The following GFRA2 variants were observed in gnomAD, a reference collection of about 807,000 sequenced individuals.
GFRA2 encodes GDNF family receptor alpha 2.
GFRA2 carries 17 observed loss-of-function variants against 48.3 expected under a neutral mutation model. The ratio of observed to expected loss-of-function variants is 0.35; its 90% CI spans 0.24 to 0.53. The LOEUF is 0.53. Ranked by LOEUF, GFRA2 falls within the 20% of genes least tolerant of loss-of-function variation. GFRA2 has a pLI of 0.93. For missense variants in GFRA2, 660 were observed against 637.3 expected, an observed-to-expected ratio of 1.04 and a Z score of -0.38; for synonymous variants, 305 against 257.2, an observed-to-expected ratio of 1.19 and a Z score of -1.78.
chr8:21,722,227 C>T (rs1357569023), intron 4 of GFRA2, among the ~76,000 whole-genome samples: 1 of 152,162 alleles, frequency 6.6e-6, no homozygotes, highest in African/African-American at 2.4e-5. Context: ...GGACTCCCTG[C>T]CCTGTCTGCC....
At chr8:21,748,357 A>C (rs1412830714) in intron 4 of GFRA2, among the ~76,000 whole-genome samples, 1 of 152,098 alleles carries the variant, frequency 6.6e-6, no homozygotes, top group Non-Finnish European at 1.5e-5. Flanking sequence ...TTATCCATTC[A>C]ACTAACCTTA....
chr8:21,712,680 A>G (rs1202969342), intron 4 of GFRA2, among the ~76,000 whole-genome samples: 1 of 152,146 alleles, frequency 6.6e-6, no homozygotes, highest in Admixed American at 6.5e-5. Flanking sequence ...GGTTGTAGTG[A>G]GCCGAGATCA....
intron 4 of GFRA2, among the ~76,000 whole-genome samples, chr8:21,741,410 C>A (rs1398971537): frequency 6.6e-6 from 1 of 152,180 alleles, no homozygotes; most frequent in East Asian, 1.9e-4. Context: ...CCTGGCCAAG[C>A]AGATTCCCCC....
In GFRA2 at chr8:21,808,522, A is replaced by G. The variant is rs111275770; in HGVS notation, c.-147-3394T>C. On this transcript the variant is annotated intron_variant, in intron 1 of 10. Coordinates refer to the GFRA2 transcript ENST00000517328. The stretch of plus-strand genomic sequence containing the variant: ...TAGTATGTGCCTTTCACTTCCGTTA[A>G]CCCTCCTTATGAACCCCTGTAGGAC... 9.7e-3 allele frequency among the ~76,000 whole-genome samples: 1,472 copies of G among 152,272 alleles called. 3 individuals are homozygous for G. Among genetic ancestry groups the G allele is most frequent in the Non-Finnish European group, 0.014 (967 of 68,012 alleles).
intron 2 of GFRA2, among the ~76,000 whole-genome samples, chr8:21,800,925 C>CA (rs34924711): frequency 0.082 from 9,190 of 112,446 alleles, 402 homozygotes; most frequent in Middle Eastern, 0.13. Context: ...GACCTGGTGT[C>CA]AAAAAAAAAA....
At chr8:21,708,034 AG>A (rs1392035234) in intron 4 of GFRA2, among the ~76,000 whole-genome samples, 1 of 152,248 alleles carries the variant, frequency 6.6e-6, no homozygotes, top group African/African-American at 2.4e-5. Context: ...AGAGTCACTG[AG>A]TAGCAGAGCC....
intron 3 of GFRA2, among the ~76,000 whole-genome samples, chr8:21,774,204 C>A (rs1280713307): frequency 6.6e-6 from 1 of 151,360 alleles, no homozygotes; most frequent in African/African-American, 2.4e-5. Flanking sequence ...AGTGCCCAGG[C>A]AGGGTGGGCT....
intron 7 of GFRA2, 110 bp downstream of exon 7, chr8:21,702,695 G>A (rs1802540226): frequency 3.6e-6 from 4 of 1,114,182 alleles, no homozygotes; most frequent in African/African-American, 1.6e-5. Context: ...CTGCCTCTTG[G>A]GTCCCTGATC....
At chr8:21,791,308 C>T (rs1807569847), upstream of GFRA2, among the ~76,000 whole-genome samples, 1 of 152,046 alleles carries the variant, frequency 6.6e-6, no homozygotes, top group African/African-American at 2.4e-5. Flanking sequence ...GGTAAGTGGC[C>T]CTTCTGCGAC....
chr8:21,698,272 GC>G (rs35807602), intron 7 of GFRA2, among the ~76,000 whole-genome samples: 4 of 152,334 alleles, frequency 2.6e-5, no homozygotes, highest in African/African-American at 9.6e-5. Context: ...TGCTGTGGGT[GC>G]CCCAGAAGCA....
intron 2 of GFRA2, among the ~76,000 whole-genome samples, chr8:21,800,375 G>A (rs1475763088): frequency 2.6e-5 from 4 of 152,212 alleles, no homozygotes; most frequent in Non-Finnish European, 5.9e-5. Context: ...ATCCGAGAAG[G>A]TGAATCTGCA....
chr8:21,694,410 C>T (rs1802052402), intron 8 of GFRA2, 54 bp downstream of exon 8: 9 of 1,524,638 alleles, frequency 5.9e-6, no homozygotes, highest in African/African-American at 1.4e-5. Context: ...GGGGAAATGC[C>T]GCCCCCCACC....
intron 8 of GFRA2, 85 bp from the exon 9 acceptor site, chr8:21,693,485 A>C (rs1357826179): frequency 7.5e-7 from 1 of 1,324,692 alleles, no homozygotes; most frequent in African/African-American, 1.5e-5. Context: ...CGGCAGAGAA[A>C]CGGACTCAGG....
chr8:21,751,997 T>C (rs1447170435), intron 3 of GFRA2, among the ~76,000 whole-genome samples: 4 of 152,176 alleles, frequency 2.6e-5, no homozygotes, highest in Non-Finnish European at 5.9e-5. Flanking sequence ...ACTTACTGGC[T>C]CTGTGACCTG....
chr8:21,725,376 G>A (rs1002955310), intron 4 of GFRA2, among the ~76,000 whole-genome samples: 12 of 152,220 alleles, frequency 7.9e-5, no homozygotes, highest in Admixed American at 6.5e-4. Flanking sequence ...CAGGGCAGAA[G>A]CCCTTTACAG....
chr8:21,799,556 C>A (rs1432965657), intron 2 of GFRA2, among the ~76,000 whole-genome samples: 1 of 152,160 alleles, frequency 6.6e-6, no homozygotes, highest in Non-Finnish European at 1.5e-5. Context: ...TTGACTTATG[C>A]TCTTGACTTT....
At chr8:21,736,916 G>A (rs1474790086) in intron 4 of GFRA2, among the ~76,000 whole-genome samples, 1 of 145,420 alleles carries the variant, frequency 6.9e-6, no homozygotes, top group Non-Finnish European at 1.5e-5. Flanking sequence ...ATGAGGGGAG[G>A]GGAGGGGAGG....
intron 7 of GFRA2, among the ~76,000 whole-genome samples, chr8:21,702,428 C>T (rs778337051): frequency 1.3e-5 from 2 of 152,204 alleles, no homozygotes; most frequent in Non-Finnish European, 2.9e-5. Context: ...CTGGTCAAGC[C>T]TGCATCCTGG....
At chr8:21,762,380 GCTCTGTAGGTCAGGGTGCTTACCCTC>G (rs1805958206) in intron 3 of GFRA2, among the ~76,000 whole-genome samples, 1 of 152,120 alleles carries the variant, frequency 6.6e-6, no homozygotes, top group Non-Finnish European at 1.5e-5. Flanking sequence ...GTCCCCTACT[GCTCTGTAGGTCAGGGTGCTTACCCTC>G]CTCAAATCAG....
Sources: allele counts gnomAD v4.1 joint callset (sites outside exome capture counted in the v4.1 genomes callset), GRCh38; gene constraint gnomAD v4.1.1; transcripts MANE v1.5; gene names NCBI Gene and HGNC (gene_info 2026-07-23, HGNC 2026-07-21).